Variants in CACNA1D observed in about 807,000 individuals in gnomAD.
CACNA1D encodes voltage-dependent L-type calcium channel subunit alpha-1D.
Under a neutral mutation model 257.1 loss-of-function variants are expected in CACNA1D, and 55 were observed. The ratio of observed to expected loss-of-function variants is 0.21; its 90% CI spans 0.17 to 0.27. The LOEUF (loss-of-function observed/expected upper bound fraction) is 0.27, where lower values mean the gene tolerates loss of function less well. Ranked by LOEUF, CACNA1D falls within the 10% of genes least tolerant of loss-of-function variation. The pLI is 1.00. For missense variants in CACNA1D, 1,876 were observed against 2,784.0 expected (o/e 0.67, Z 7.34); for synonymous variants, 980 against 1,014.9 (o/e 0.97, Z 0.65).
At chr3:53,505,906 TCTA>T (rs2090825692) in intron 3 of CACNA1D, among the ~76,000 whole-genome samples, 1 of 152,170 alleles carries the variant, frequency 6.6e-6, no homozygotes, top group Non-Finnish European at 1.5e-5. Flanking sequence ...TGCGGGACAG[TCTA>T]CTTTGATTGC....
chr3:53,670,732 A>G (rs190974184), intron 7 of CACNA1D, among the ~76,000 whole-genome samples: 10 of 152,334 alleles, frequency 6.6e-5, no homozygotes, highest in African/African-American at 1.9e-4. Context: ...TGACTTTGAT[A>G]TAAGTTTTTT....
At chr3:53,801,900 A>G (rs2095538134) in intron 42 of CACNA1D, among the ~76,000 whole-genome samples, 2 of 152,172 alleles carry the variant, frequency 1.3e-5, no homozygotes, top group South Asian at 4.1e-4. Flanking sequence ...TGAACTTCAT[A>G]TATTTGCATA....
At chr3:53,600,354 C>T (rs186584862) in intron 3 of CACNA1D, among the ~76,000 whole-genome samples, 55 of 152,256 alleles carry the variant, frequency 3.6e-4, no homozygotes, top group Admixed American at 2.4e-3. Context: ...CATATAGTTG[C>T]TTTCTGGTAA....
At chr3:53,689,272 AGG>A (rs146311988) in intron 8 of CACNA1D, among the ~76,000 whole-genome samples, 3,396 of 150,178 alleles carry the variant, frequency 0.023, 126 homozygotes, top group African/African-American at 0.081. Flanking sequence ...TGAGGCTGCC[AGG>A]GTGCTCCGTG....
At chr3:53,560,388 A>G (rs977087763) in intron 3 of CACNA1D, among the ~76,000 whole-genome samples, 2 of 152,178 alleles carry the variant, frequency 1.3e-5, no homozygotes, top group Admixed American at 6.5e-5. Context: ...GAGCCTCTAT[A>G]TTAGTCTGTT....
At position 53,789,321 on chromosome 3, in the gene CACNA1D, G is replaced by A. The variant is rs562356306; in HGVS notation, c.4923+2369G>A. Reference sequence around the variant, plus strand: ...TAATCTTAATAGAGAAACTGAAAATGTACTTGATTCTGAAACATTAAACAT... The same window carrying A: ...TAATCTTAATAGAGAAACTGAAAATATACTTGATTCTGAAACATTAAACAT... On this transcript the variant is annotated intron_variant, in intron 40 of 47. Transcript: ENST00000350061. This position sits in a 1 kb window ranked among gnomAD's most constrained non-coding sequence, Gnocchi z 4.2. Among the ~76,000 whole-genome samples the A allele has an allele frequency of 7.0e-4, 107 of 152,330 alleles. 3 individuals carry two copies. The South Asian group carries it at 0.021, about 30-fold the overall frequency.
intron 3 of CACNA1D, among the ~76,000 whole-genome samples, chr3:53,596,950 A>T (rs1358837776): frequency 2.0e-5 from 3 of 152,242 alleles, no homozygotes; most frequent in Non-Finnish European, 4.4e-5. Context: ...AAGGCTGAGA[A>T]CTGGACCATG....
chr3:53,691,968 T>G (rs899393725), intron 8 of CACNA1D, among the ~76,000 whole-genome samples: 1 of 100,960 alleles, frequency 9.9e-6, no homozygotes, highest in Non-Finnish European at 2.1e-5. Context: ...AGACTCCTGC[T>G]TGTTTTTGTT....
At chr3:53,792,773 C>T (rs2095490279) in intron 40 of CACNA1D, among the ~76,000 whole-genome samples, 1 of 152,202 alleles carries the variant, frequency 6.6e-6, no homozygotes, top group Non-Finnish European at 1.5e-5. Context: ...TCTTTTGTGC[C>T]TATGACATTT....
intron 39 of CACNA1D, among the ~76,000 whole-genome samples, chr3:53,782,211 A>T (rs1045474029): frequency 3.4e-5 from 5 of 146,598 alleles, no homozygotes; most frequent in Middle Eastern, 3.6e-3. Flanking sequence ...TATATATATA[A>T]AAAACATCTA....
intron 7 of CACNA1D, among the ~76,000 whole-genome samples, 200 bp from the exon 8 acceptor site, chr3:53,672,817 TGTATGG>T (rs1489524455): frequency 9.6e-5 from 10 of 104,584 alleles, no homozygotes; most frequent in Admixed American, 2.8e-4. Flanking sequence ...TGTGTGTGTG[TGTATGG>T]ATGCTTGTGT....
chr3:53,804,423 T>C (rs760830339), intron 44 of CACNA1D, among the ~76,000 whole-genome samples: 18 of 152,056 alleles, frequency 1.2e-4, no homozygotes, highest in African/African-American at 2.9e-4. Context: ...GCTGGCCTCA[T>C]CCCCCCTGTC....
intron 3 of CACNA1D, among the ~76,000 whole-genome samples, chr3:53,629,196 T>C (rs562872583): frequency 1.1e-4 from 16 of 152,214 alleles, no homozygotes; most frequent in Non-Finnish European, 2.4e-4. Flanking sequence ...AGGCCATAAT[T>C]TGCCAACCCC....
intron 30 of CACNA1D, among the ~76,000 whole-genome samples, chr3:53,764,798 G>A (rs1177624336): frequency 6.6e-6 from 1 of 152,200 alleles, no homozygotes; most frequent in African/African-American, 2.4e-5. Flanking sequence ...TGACATTGGG[G>A]TATCTGTGCA....
intron 3 of CACNA1D, among the ~76,000 whole-genome samples, chr3:53,616,466 A>G (rs568804615): frequency 3.9e-5 from 6 of 152,180 alleles, no homozygotes; most frequent in African/African-American, 1.2e-4. Flanking sequence ...TCACACGCAC[A>G]TTCTGTCTCT....
At chr3:53,696,883 C>T (rs765463582) in intron 8 of CACNA1D, among the ~76,000 whole-genome samples, 17 of 152,126 alleles carry the variant, frequency 1.1e-4, no homozygotes, top group Non-Finnish European at 2.4e-4. Context: ...TTGAGGGAGG[C>T]AACAAGGAGC....
chr3:53,768,081 T>A (rs1465098511), intron 30 of CACNA1D, among the ~76,000 whole-genome samples: 1 of 152,240 alleles, frequency 6.6e-6, no homozygotes, highest in Non-Finnish European at 1.5e-5. Flanking sequence ...GTTGAAGAGA[T>A]GTACACTTCG....
intron 29 of CACNA1D, among the ~76,000 whole-genome samples, chr3:53,756,384 C>G (rs1199606954): frequency 1.3e-5 from 2 of 152,190 alleles, no homozygotes; most frequent in African/African-American, 4.8e-5. Flanking sequence ...AGGGAGAAAA[C>G]TCCGAGCTGG....
intron 30 of CACNA1D, among the ~76,000 whole-genome samples, chr3:53,767,153 T>TA (rs1034673105): frequency 6.6e-6 from 1 of 152,124 alleles, no homozygotes; most frequent in Non-Finnish European, 1.5e-5. Flanking sequence ...GCTCGAGATC[T>TA]AAAGGGCATT....
Sources: allele counts gnomAD v4.1 joint callset (sites outside exome capture counted in the v4.1 genomes callset), GRCh38; gene constraint gnomAD v4.1.1; non-coding constraint Gnocchi (gnomAD v3.1); transcripts MANE v1.5; gene names NCBI Gene and HGNC (gene_info 2026-07-23, HGNC 2026-07-21).